Variants in USP45 observed in about 807,000 individuals in gnomAD.
USP45 encodes the protein ubiquitin carboxyl-terminal hydrolase 45.
USP45 carries 89 observed loss-of-function variants against 95.8 expected under a neutral mutation model. That is an observed-to-expected ratio of 0.93 (90% CI 0.78 to 1.11). The LOEUF (loss-of-function observed/expected upper bound fraction) is 1.11. Among genes scored for constraint, USP45 ranks in the 50% least tolerant of loss-of-function variants. The probability of loss-of-function intolerance (pLI) is 0.00; values close to 1 mark genes in which losing one functional copy is unlikely to be tolerated. For missense variants in USP45, 898 were observed against 942.5 expected (o/e 0.95, Z 0.62); for synonymous variants, 281 against 316.2 (o/e 0.89, Z 1.18).
At chr6:99,437,094 C>CTCTATCAA in intron 17 of USP45, 152 bp downstream of exon 17, 1 of 762,104 alleles carries the variant, frequency 1.3e-6, no homozygotes, top group Non-Finnish European at 2.0e-6. Flanking sequence ...GAGACTCTGT[C>CTCTATCAA]TCAATCAATC....
chr6:99,443,504 A>G (rs1781896335), intron 15 of USP45, 61 bp downstream of exon 15: 7 of 1,170,590 alleles, frequency 6.0e-6, no homozygotes, highest in Middle Eastern at 2.0e-4. Context: ...ACAATATTCT[A>G]TAGGACTTAA....
At chr6:99,511,746 C>T (rs983169142) in intron 1 of USP45, among the ~76,000 whole-genome samples, 2 of 151,698 alleles carry the variant, frequency 1.3e-5, no homozygotes, top group Non-Finnish European at 2.9e-5. Flanking sequence ...AGCCATGGTG[C>T]CCCACCAATT....
chr6:99,496,835 TC>T (rs1334351632), intron 5 of USP45, among the ~76,000 whole-genome samples: 1 of 151,972 alleles, frequency 6.6e-6, no homozygotes, highest in Admixed American at 6.6e-5. Context: ...ATTTTCCATA[TC>T]CCCCCTACCC....
Position 99,503,764 on chromosome 6 carries a change from C to G in USP45, c.478+1G>C. 6.3e-7 allele frequency: 1 copy of G among 1,577,904 alleles called. No individual in the cohort carries two copies. The highest frequency in any genetic ancestry group is 8.6e-7 in the Non-Finnish European group (1 of 1,157,988). On this transcript the variant is annotated splice_donor_variant, in intron 5 of 17. Coordinates refer to ENST00000500704, the MANE Select transcript of USP45 (RefSeq NM_001346022.3). LOFTEE classifies it high-confidence loss of function. The stretch of plus-strand genomic sequence containing the variant: ...ATTCCTTTAGTCATCGCTTAACTTA[C>G]TTGTTTGTGTTTTAGAAGCATGTTT...
chr6:99,502,014 C>T, intron 5 of USP45: 1 of 1,297,426 alleles, frequency 7.7e-7, no homozygotes, highest in Non-Finnish European at 1.0e-6. Flanking sequence ...CTGGCCCTGC[C>T]AGAAAGACCA....
At chr6:99,465,332 TG>T (rs67230046) in intron 11 of USP45, among the ~76,000 whole-genome samples, 196 bp from the exon 12 acceptor site, 22,202 of 152,062 alleles carry the variant, frequency 0.15, 2,293 homozygotes, top group Non-Finnish European at 0.21. Context: ...CATCAGTGAA[TG>T]GTGATCCAAT....
intron 13 of USP45, among the ~76,000 whole-genome samples, chr6:99,464,046 C>A (rs773941739): frequency 1.4e-4 from 21 of 151,952 alleles, no homozygotes; most frequent in Non-Finnish European, 3.1e-4. Context: ...GTGGCTCACT[C>A]CTGTAATCCC....
chr6:99,473,085 G>A (rs1037539572), intron 9 of USP45, among the ~76,000 whole-genome samples: 3 of 150,920 alleles, frequency 2.0e-5, no homozygotes, highest in East Asian at 1.9e-4. Flanking sequence ...TTATCCTGTC[G>A]GTTTATTAGT....
intron 5 of USP45, among the ~76,000 whole-genome samples, chr6:99,503,109 TCA>T (rs1361698756): frequency 1.3e-5 from 2 of 152,194 alleles, no homozygotes; most frequent in Non-Finnish European, 2.9e-5. Context: ...TCTCTAGGCC[TCA>T]CAGTAACTCC....
chr6:99,482,650 A>T, intron 8 of USP45, 103 bp downstream of exon 8: 1 of 1,186,472 alleles, frequency 8.4e-7, no homozygotes, highest in Non-Finnish European at 1.1e-6. Flanking sequence ...TAGTCAGGGC[A>T]ATAAGAGCAA....
chr6:99,462,245 A>G (rs1316835393), intron 13 of USP45: 1 of 983,616 alleles, frequency 1.0e-6, no homozygotes, highest in Non-Finnish European at 1.2e-6. Flanking sequence ...TGTTCAGCAC[A>G]AGCACAAGTT....
Position 99,445,822 on chromosome 6 carries a change from C to A in USP45, c.1950G>T (p.Lys650Asn), listed in dbSNP as rs112157723. 7.7e-4 allele frequency: 1,218 copies of A among 1,581,962 alleles called. 6 individuals are homozygous for A. In the East Asian group the frequency reaches 9.4e-3, roughly 12 times the overall value. ...CTGCAAAACTGGTTTCTTCTTGGTA[C>A]TTCTGTTTGTTTTTAGTACAATTCT... ...LCENCTKNKQ[K>N]YQEETSFAEK... is the part of the protein sequence containing the mutation. Residue 650 changes from lysine (K) to asparagine (N), a missense_variant, in exon 14 of 18, where the codon AAG becomes AAT. Coordinates refer to ENST00000500704, the MANE Select transcript of USP45 (RefSeq NM_001346022.3).
intron 5 of USP45, among the ~76,000 whole-genome samples, chr6:99,491,102 C>A (rs1795067247): frequency 6.6e-6 from 1 of 152,074 alleles, no homozygotes; most frequent in African/African-American, 2.4e-5. Context: ...CAGAAAAGAA[C>A]TAGCAAGATA....
intron 15 of USP45, among the ~76,000 whole-genome samples, chr6:99,441,656 T>A (rs970675039): frequency 3.3e-5 from 5 of 152,226 alleles, no homozygotes; most frequent in Admixed American, 1.3e-4. Flanking sequence ...TTCATCCTTA[T>A]CAACACTACT....
At chr6:99,457,668 C>A (rs1375938903) in intron 13 of USP45, among the ~76,000 whole-genome samples, 1 of 152,058 alleles carries the variant, frequency 6.6e-6, no homozygotes, top group Admixed American at 6.6e-5. Flanking sequence ...TAGCTGTGTC[C>A]AGAATCCAAT....
chr6:99,452,769 A>T (rs1372064982), intron 13 of USP45, among the ~76,000 whole-genome samples: 2 of 152,222 alleles, frequency 1.3e-5, no homozygotes, highest in Non-Finnish European at 2.9e-5. Flanking sequence ...AAAGACTTGG[A>T]ACCAACCCAA....
upstream of USP45, among the ~76,000 whole-genome samples, chr6:99,515,767 AC>A (rs1801046788): frequency 9.4e-6 from 1 of 106,596 alleles, no homozygotes; most frequent in African/African-American, 4.4e-5. Flanking sequence ...CCTCCTCTGA[AC>A]TCTTTTTTTT....
chr6:99,463,067 A>T (rs1397873461), intron 13 of USP45, among the ~76,000 whole-genome samples: 1 of 152,152 alleles, frequency 6.6e-6, no homozygotes, highest in African/African-American at 2.4e-5. Flanking sequence ...CATATAAAAA[A>T]GTTTTTTTTG....
chr6:99,493,357 C>T (rs898847120), intron 5 of USP45, among the ~76,000 whole-genome samples: 1 of 152,094 alleles, frequency 6.6e-6, no homozygotes, highest in African/African-American at 2.4e-5. Context: ...TGTAATATCT[C>T]AGGAAAACGT....
Sources: gnomAD v4.1 joint callset for allele counts (sites outside exome capture counted in the v4.1 genomes callset) on GRCh38, gnomAD v4.1.1 for gene constraint, MANE v1.5 for transcripts, NCBI Gene and HGNC (gene_info 2026-07-23, HGNC 2026-07-21) for gene names.